PTPRG: variants seen among roughly 807,000 people sequenced by gnomAD.
PTPRG encodes receptor-type tyrosine-protein phosphatase gamma.
PTPRG carries 102 observed loss-of-function variants against 165.3 expected under a neutral mutation model. The ratio of observed to expected loss-of-function variants is 0.62; its 90% CI spans 0.53 to 0.73. The LOEUF is 0.73. Ranked by LOEUF, PTPRG falls within the 30% of genes least tolerant of loss-of-function variation. The pLI is 0.00. For synonymous variants in PTPRG, 675 were observed against 669.5 expected (o/e 1.01, Z -0.13); for missense variants, 1,866 against 1,861.4 (o/e 1.00, Z -0.05).
chr3:61,790,736 A>G (rs966039520), intron 2 of PTPRG, among the ~76,000 whole-genome samples: 6 of 148,788 alleles, frequency 4.0e-5, no homozygotes, highest in African/African-American at 1.5e-4. Context: ...AAATTCTTTG[A>G]CTTCTGTGAT....
chr3:62,001,503 G>C (rs1335113857), intron 3 of PTPRG, among the ~76,000 whole-genome samples: 3 of 152,082 alleles, frequency 2.0e-5, no homozygotes, highest in Non-Finnish European at 4.4e-5. Context: ...AACAGTGTTT[G>C]AAACACTACT....
At chr3:62,020,826 CCATG>C (rs1357793488) in intron 4 of PTPRG, among the ~76,000 whole-genome samples, 1 of 147,640 alleles carries the variant, frequency 6.8e-6, no homozygotes, top group Non-Finnish European at 1.5e-5. Flanking sequence ...GAATGTGTCA[CCATG>C]CACAGGTTTT....
At chr3:61,945,153 A>G (rs1445868212) in intron 2 of PTPRG, among the ~76,000 whole-genome samples, 2 of 152,310 alleles carry the variant, frequency 1.3e-5, no homozygotes, top group African/African-American at 2.4e-5. Context: ...TGTAAGGTAT[A>G]TAGTCTTGGC....
At chr3:61,890,100 A>T (rs982111009) in intron 2 of PTPRG, among the ~76,000 whole-genome samples, 1 of 152,196 alleles carries the variant, frequency 6.6e-6, no homozygotes, top group African/African-American at 2.4e-5. Flanking sequence ...GTATATGAGG[A>T]CAGCTGTTGC....
rs11716903 is a variant in PTPRG, at chr3:61,679,241, G to A, written c.86-69637G>A. 5.2e-3 allele frequency among the ~76,000 whole-genome samples: 798 copies of A among 152,278 alleles called. 4 individuals carry two copies. Among genetic ancestry groups the A allele is most frequent in the Non-Finnish European group, 9.2e-3 (627 of 68,028 alleles). On this transcript the variant is annotated intron_variant, in intron 1 of 29. Coordinates refer to ENST00000474889, the MANE Select transcript of PTPRG (RefSeq NM_002841.4). ...AACTGTTTTCAAACTAATGGCCATC[G>A]CATTTGGCAAGGAGCCCAACTGCGC...
chr3:61,895,854 A>C (rs543103435), intron 2 of PTPRG, among the ~76,000 whole-genome samples: 86 of 152,160 alleles, frequency 5.7e-4, no homozygotes, highest in Non-Finnish European at 9.1e-4. Flanking sequence ...CTGGCTATCA[A>C]CCTGCACTTT....
chr3:62,002,347 G>A (rs930297202), intron 3 of PTPRG, among the ~76,000 whole-genome samples: 6 of 152,080 alleles, frequency 3.9e-5, no homozygotes, highest in East Asian at 1.9e-4. Context: ...CACAAGCTTG[G>A]CTTTTGATCA....
rs141875632 is a variant in PTPRG at position 62,030,574 on chromosome 3, T to G, written c.519+27077T>G. Among the ~76,000 whole-genome samples the G allele has an allele frequency of 5.3e-3, 814 of 152,254 alleles. 4 individuals are homozygous for G. The highest frequency in any genetic ancestry group is 7.9e-3 in the Non-Finnish European group (540 of 68,020). On this transcript the variant is annotated intron_variant, in intron 4 of 29. Transcript: ENST00000474889. The stretch of plus-strand genomic sequence containing the variant: ...AATTACACTTTTACTGGAGATGTCA[T>G]CATTGATCAATCAGTTGACCAGCAA...
intron 4 of PTPRG, among the ~76,000 whole-genome samples, chr3:62,039,809 CTTTG>C (rs1282336914): frequency 4.1e-5 from 6 of 146,162 alleles, no homozygotes; most frequent in Non-Finnish European, 9.0e-5. Context: ...GGCGCCTTTG[CTTTG>C]TAACAGTTAC....
chr3:61,741,093 A>C (rs2032964456), intron 1 of PTPRG, among the ~76,000 whole-genome samples: 1 of 152,228 alleles, frequency 6.6e-6, no homozygotes, highest in South Asian at 2.1e-4. Context: ...GTAGGCATAA[A>C]AAAAGATTTT....
At chr3:62,215,358 T>C (rs1267108414) in intron 12 of PTPRG, among the ~76,000 whole-genome samples, 1 of 152,324 alleles carries the variant, frequency 6.6e-6, no homozygotes, top group South Asian at 2.1e-4. Context: ...TTGGCTTTTA[T>C]GTAAAAGACC....
intron 1 of PTPRG, among the ~76,000 whole-genome samples, chr3:61,732,022 T>G (rs2032522304): frequency 6.6e-6 from 1 of 152,002 alleles, no homozygotes; most frequent in Admixed American, 6.6e-5. Flanking sequence ...CAGGCTGGTC[T>G]TGAACTCTTG....
intron 2 of PTPRG, among the ~76,000 whole-genome samples, chr3:61,887,170 A>ATATATATATATATTTTTTTTT (rs60282456): frequency 8.7e-6 from 1 of 115,524 alleles, no homozygotes; most frequent in African/African-American, 3.3e-5. Flanking sequence ...ATATATATAT[A>ATATATATATATATTTTTTTTT]TTTTTAATGC....
intron 2 of PTPRG, among the ~76,000 whole-genome samples, chr3:61,868,006 C>T (rs1196728434): frequency 6.6e-6 from 1 of 152,156 alleles, no homozygotes; most frequent in Non-Finnish European, 1.5e-5. Context: ...CCTTGGCCAT[C>T]CAGTAGATAA....
At chr3:62,097,122 A>G (rs772129864) in intron 5 of PTPRG, among the ~76,000 whole-genome samples, 1 of 152,208 alleles carries the variant, frequency 6.6e-6, no homozygotes, top group Non-Finnish European at 1.5e-5. Flanking sequence ...GCAAAGGGCA[A>G]ACTCAGAGTT....
chr3:61,847,429 C>T (rs2036837479), intron 2 of PTPRG, among the ~76,000 whole-genome samples: 2 of 152,286 alleles, frequency 1.3e-5, no homozygotes, highest in East Asian at 3.9e-4. Context: ...TTCTGCCCTC[C>T]AGAGCTGTGA....
At chr3:61,761,439 C>T (rs1004112857) in intron 2 of PTPRG, among the ~76,000 whole-genome samples, 3 of 152,050 alleles carry the variant, frequency 2.0e-5, no homozygotes, top group East Asian at 1.9e-4. Flanking sequence ...ATTAGCCAGG[C>T]GTGGTGGTGG....
chr3:62,085,738 A>G (rs1425811468), intron 5 of PTPRG, among the ~76,000 whole-genome samples: 1 of 152,130 alleles, frequency 6.6e-6, no homozygotes, highest in Admixed American at 6.5e-5. Flanking sequence ...TTCTAAGCAA[A>G]CAATGTAAGA....
At chr3:61,884,968 T>C (rs1342920025) in intron 2 of PTPRG, among the ~76,000 whole-genome samples, 1 of 152,178 alleles carries the variant, frequency 6.6e-6, no homozygotes, top group African/African-American at 2.4e-5. Flanking sequence ...TCAGAGTACC[T>C]GTTCTCCTGC....
Sources: allele counts gnomAD v4.1 joint callset (sites outside exome capture counted in the v4.1 genomes callset), GRCh38; gene constraint gnomAD v4.1.1; transcripts MANE v1.5; gene names NCBI Gene and HGNC (gene_info 2026-07-23, HGNC 2026-07-21).